Variants in KLHL32 observed in about 807,000 individuals in gnomAD.
The protein encoded by KLHL32 is kelch like family member 32, also known as kelch-like protein 32.
In KLHL32, 35 loss-of-function variants were observed where a neutral mutation model predicts 64.8. The observed-to-expected ratio is 0.54, with a 90% CI of 0.41 to 0.72. KLHL32 has a LOEUF of 0.72. Ranked by LOEUF, KLHL32 falls within the 30% of genes least tolerant of loss-of-function variation. The pLI is 0.00. For missense variants in KLHL32, 589 were observed against 768.5 expected (o/e 0.77, Z 2.76); for synonymous variants, 259 against 281.0 (o/e 0.92, Z 0.78).
At chr6:97,131,484 T>C (rs1348476192) in intron 9 of KLHL32, among the ~76,000 whole-genome samples, 1 of 152,170 alleles carries the variant, frequency 6.6e-6, no homozygotes, top group Non-Finnish European at 1.5e-5. Flanking sequence ...TCCAAGCATT[T>C]ACCACAGAGC....
intron 1 of KLHL32, among the ~76,000 whole-genome samples, chr6:96,955,248 G>T (rs999613561): frequency 2.0e-5 from 3 of 152,148 alleles, no homozygotes; most frequent in Non-Finnish European, 4.4e-5. Context: ...CATACCATTG[G>T]TTCCTGAGTC....
chr6:97,007,478 T>C (rs1025472205), intron 3 of KLHL32, among the ~76,000 whole-genome samples: 2 of 152,212 alleles, frequency 1.3e-5, no homozygotes, highest in African/African-American at 4.8e-5. Context: ...TTGAATTCTA[T>C]GTGTCATTTG....
intron 7 of KLHL32, among the ~76,000 whole-genome samples, chr6:97,122,861 G>A (rs766997807): frequency 5.3e-5 from 8 of 152,226 alleles, no homozygotes; most frequent in Non-Finnish European, 8.8e-5. Flanking sequence ...GCCACAGCCT[G>A]TCCTGAAACT....
chr6:97,105,182 A>G (rs1278340251), intron 6 of KLHL32, among the ~76,000 whole-genome samples: 1 of 152,224 alleles, frequency 6.6e-6, no homozygotes, highest in Non-Finnish European at 1.5e-5. Flanking sequence ...ATCTAAAACA[A>G]TGTACTTTAA....
intron 1 of KLHL32, among the ~76,000 whole-genome samples, chr6:96,930,303 A>G (rs1769703038): frequency 6.6e-6 from 1 of 152,184 alleles, no homozygotes; most frequent in African/African-American, 2.4e-5. Context: ...TGAAAGTGCA[A>G]GGTAGCATGG....
intron 6 of KLHL32, among the ~76,000 whole-genome samples, chr6:97,092,657 G>A (rs1794431310): frequency 6.6e-6 from 1 of 152,102 alleles, no homozygotes; most frequent in South Asian, 2.1e-4. Flanking sequence ...GCTATTTCAG[G>A]GATTGGTGCT....
chr6:97,130,536 G>A (rs924505707), intron 8 of KLHL32, among the ~76,000 whole-genome samples: 12 of 152,198 alleles, frequency 7.9e-5, no homozygotes, highest in Admixed American at 2.0e-4. Context: ...TAGAGGAGAT[G>A]CCGTGTGTAA....
At chr6:97,123,840 T>C (rs1562362245) in intron 7 of KLHL32, among the ~76,000 whole-genome samples, 1 of 152,210 alleles carries the variant, frequency 6.6e-6, no homozygotes, top group Non-Finnish European at 1.5e-5. Flanking sequence ...ACAAATCAGC[T>C]TGATGACTTT....
chr6:96,955,859 C>T (rs1773196914), intron 1 of KLHL32, among the ~76,000 whole-genome samples: 1 of 152,172 alleles, frequency 6.6e-6, no homozygotes, highest in Non-Finnish European at 1.5e-5. Context: ...ATTGCTTGAA[C>T]CTGGGAGGCA....
At chr6:97,125,611 T>C (rs1166928747) in intron 7 of KLHL32, among the ~76,000 whole-genome samples, 1 of 152,196 alleles carries the variant, frequency 6.6e-6, no homozygotes, top group African/African-American at 2.4e-5. Context: ...GTTGTACCCA[T>C]GCAGTTATTT....
the KLHL32 span, among the ~76,000 whole-genome samples, chr6:96,904,063 C>T: frequency 6.6e-6 from 1 of 151,926 alleles, no homozygotes; most frequent in African/African-American, 2.4e-5. Flanking sequence ...GACCAAGGCC[C>T]AGGGCAATGG....
chr6:97,089,247 A>T (rs1026967074), intron 6 of KLHL32, among the ~76,000 whole-genome samples: 16 of 152,280 alleles, frequency 1.1e-4, no homozygotes, highest in African/African-American at 2.2e-4. Flanking sequence ...AAGGATATTT[A>T]AAAATGAAAG....
intron 2 of KLHL32, 23 bp from the exon 3 acceptor site, chr6:96,975,974 G>T: frequency 1.3e-6 from 2 of 1,500,354 alleles, no homozygotes; most frequent in South Asian, 2.7e-5. Flanking sequence ...GAAAAATGTT[G>T]ACTTGATTGC....
chr6:97,113,998 G>A lies in KLHL32; in HGVS notation c.843G>A (p.Arg281=), dbSNP rs1361119747. Residue 281 remains arginine (R), a synonymous_variant, in exon 7 of 11, where the codon AGG becomes AGA. Transcript: ENST00000369261. ...IYAQPVWQTR[R]TKPRFQSDTL... ...CACAGCCTGTCTGGCAGACTCGCAG[G>A]ACCAAACCACGATTCCAGTCAGACA... The A allele has an allele frequency of 6.2e-7, 1 of 1,614,194 alleles. No individual in the cohort carries two copies. The highest frequency in any genetic ancestry group is 8.5e-7 in the Non-Finnish European group (1 of 1,180,036).
chr6:97,057,433 C>T lies in KLHL32; in HGVS notation c.313-7195C>T, dbSNP rs1432680994. On this transcript the variant is annotated intron_variant, in intron 4 of 10. Transcript: ENST00000369261. ...TCCTGACCTCGTGATCCGCCCGTCT[C>T]GGCCTCCCAAAGTGCTGGGATTACA... Among the ~76,000 whole-genome samples, 2 of 147,412 alleles carry T rather than the reference C, an allele frequency of 1.4e-5. 1 individual carries two copies. Among genetic ancestry groups the T allele is most frequent in the Admixed American group, 1.4e-4 (2 of 14,546 alleles).
At chr6:96,985,035 C>G (rs1047129621) in intron 3 of KLHL32, among the ~76,000 whole-genome samples, 9 of 151,798 alleles carry the variant, frequency 5.9e-5, no homozygotes, top group Admixed American at 2.6e-4. Flanking sequence ...CATTTTAGTG[C>G]TTCCTTCAGG....
rs757907292 is a variant in KLHL32, at chr6:97,114,021, A to G, written c.866A>G (p.Asp289Gly). The G allele has an allele frequency of 1.2e-6, 2 of 1,614,208 alleles. No homozygotes were observed. The highest frequency in any genetic ancestry group is 1.7e-6 in the Non-Finnish European group (2 of 1,180,034). The change falls in exon 7 of 11, where the codon GAC becomes GGC. Residue 289 changes from aspartate to glycine, a missense_variant. Coordinates refer to ENST00000369261, the MANE Select transcript of KLHL32 (RefSeq NM_052904.4). Reference sequence around the variant, plus strand: ...AGGACCAAACCACGATTCCAGTCAGACACTCTGTATATCATTGGTGGGAAA... The same window carrying G: ...AGGACCAAACCACGATTCCAGTCAGGCACTCTGTATATCATTGGTGGGAAA... ...TRRTKPRFQS[D>G]TLYIIGGKKR... is the part of the protein sequence containing the mutation.
intron 6 of KLHL32, chr6:97,105,315 C>T (rs191389454): frequency 3.1e-5 from 12 of 393,162 alleles, no homozygotes; most frequent in Admixed American, 1.5e-4. Flanking sequence ...TATTAAAACA[C>T]GCTTTCCTGG....
chr6:96,937,924 C>T (rs1040623948), intron 1 of KLHL32, among the ~76,000 whole-genome samples: 1 of 152,234 alleles, frequency 6.6e-6, no homozygotes, highest in Non-Finnish European at 1.5e-5. Flanking sequence ...AAAAGCATTT[C>T]TCCACCTGCC....
Sources: allele counts gnomAD v4.1 joint callset (sites outside exome capture counted in the v4.1 genomes callset), GRCh38; gene constraint gnomAD v4.1.1; transcripts MANE v1.5; gene names NCBI Gene and HGNC (gene_info 2026-07-23, HGNC 2026-07-21).